Variants in EPHA4 observed in about 807,000 individuals in gnomAD.
EPHA4 encodes the protein EPH receptor A4.
A neutral mutation model predicts 108.3 loss-of-function variants in EPHA4; 19 were observed. The observed-to-expected ratio is 0.18, with a 90% confidence interval of 0.12 to 0.26. EPHA4 has a LOEUF of 0.26. Ranked by LOEUF, EPHA4 falls within the 10% of genes least tolerant of loss-of-function variation. EPHA4 has a pLI of 1.00. For missense variants in EPHA4, 917 were observed against 1,254.0 expected, an observed-to-expected ratio of 0.73 and a Z score of 4.06; for synonymous variants, 449 against 455.5, an observed-to-expected ratio of 0.99 and a Z score of 0.18.
intron 2 of EPHA4, among the ~76,000 whole-genome samples, chr2:221,566,920 GAGA>G (rs1419135043): frequency 2.7e-5 from 1 of 36,546 alleles, no homozygotes; most frequent in Admixed American, 2.9e-4. Context: ...GAAGGAGAAG[GAGA>G]AGGAGAAGGA....
At chr2:221,546,118 T>C (rs1317281416) in intron 3 of EPHA4, among the ~76,000 whole-genome samples, 1 of 152,190 alleles carries the variant, frequency 6.6e-6, no homozygotes, top group Non-Finnish European at 1.5e-5. Flanking sequence ...GGGAAAGGCA[T>C]GGAGACCTCA....
chr2:221,494,434 G>A (rs1047889595), intron 4 of EPHA4, among the ~76,000 whole-genome samples: 6 of 151,988 alleles, frequency 3.9e-5, no homozygotes, highest in African/African-American at 1.4e-4. Context: ...CGAAACCCAG[G>A]CTCTACTAAA....
intron 3 of EPHA4, among the ~76,000 whole-genome samples, chr2:221,541,941 TAAATA>T (rs917184757): frequency 1.3e-5 from 2 of 152,172 alleles, no homozygotes; most frequent in Admixed American, 6.5e-5. Context: ...ATTTGTTTCA[TAAATA>T]AAATAAATAG....
At chr2:221,499,756 A>ATATATTTT (rs1334015871) in intron 4 of EPHA4, among the ~76,000 whole-genome samples, 6 of 26,220 alleles carry the variant, frequency 2.3e-4, no homozygotes, top group Non-Finnish European at 2.5e-4. Context: ...ATATATATAT[A>ATATATTTT]TTTTTTTTTT....
chr2:221,427,481 ATAGT>A (rs1689946921), intron 15 of EPHA4, among the ~76,000 whole-genome samples: 1 of 152,242 alleles, frequency 6.6e-6, no homozygotes, highest in Admixed American at 6.5e-5. Flanking sequence ...TAAGAGAATT[ATAGT>A]TAGTTATCTT....
intron 5 of EPHA4, among the ~76,000 whole-genome samples, chr2:221,475,564 G>T (rs1396918938): frequency 6.6e-6 from 1 of 152,154 alleles, no homozygotes; most frequent in Non-Finnish European, 1.5e-5. Flanking sequence ...GAGCAGATCA[G>T]CAAACATTTT....
chr2:221,437,354 G>T, intron 11 of EPHA4: 1 of 406,862 alleles, frequency 2.5e-6, no homozygotes, highest in East Asian at 3.8e-5. Context: ...TTGTTGACAA[G>T]GTCTTTAACT....
intron 2 of EPHA4, among the ~76,000 whole-genome samples, chr2:221,566,466 C>T (rs1303151101): frequency 3.9e-5 from 6 of 152,074 alleles, no homozygotes; most frequent in Non-Finnish European, 8.8e-5. Context: ...CTGAAAAAGT[C>T]CTCGTCAATT....
chr2:221,513,841 T>C (rs1031375816), intron 3 of EPHA4, among the ~76,000 whole-genome samples: 38 of 152,334 alleles, frequency 2.5e-4, no homozygotes, highest in African/African-American at 7.9e-4. Flanking sequence ...ACATTGCTTA[T>C]GTCTGAGGAG....
Position 221,533,327 on chromosome 2 carries a change from TTC to T in EPHA4, c.823+30402_823+30403del, listed in dbSNP as rs750043357. On this transcript the variant is annotated intron_variant, in intron 3 of 17. Coordinates refer to ENST00000281821, the MANE Select transcript of EPHA4 (RefSeq NM_004438.5). ...GTCCTCTTTAATCTGGTTTCTCTATTTCTGTTTGTGGACCTTTGCTAATATTT... is the reference window on the plus strand; with the variant it reads ...GTCCTCTTTAATCTGGTTTCTCTATTTGTTTGTGGACCTTTGCTAATATTT... 2.6e-4 allele frequency among the ~76,000 whole-genome samples: 39 copies of T among 152,284 alleles called. No homozygotes were observed. The Middle Eastern group carries it at 0.027, about 106-fold the overall frequency.
chr2:221,519,231 C>CT (rs1410289525), intron 3 of EPHA4, among the ~76,000 whole-genome samples: 39 of 150,740 alleles, frequency 2.6e-4, no homozygotes, highest in East Asian at 5.8e-4. Flanking sequence ...GTTTTAAACA[C>CT]TTTTTTTTTA....
At chr2:221,430,299 T>C in intron 14 of EPHA4, 148 bp from the exon 15 acceptor site, 2 of 717,614 alleles carry the variant, frequency 2.8e-6, no homozygotes, top group East Asian at 5.4e-5. Context: ...GAGCCAAAGC[T>C]AGACCTGAGT....
chr2:221,490,949 C>T (rs1692124064), intron 4 of EPHA4, among the ~76,000 whole-genome samples: 1 of 152,158 alleles, frequency 6.6e-6, no homozygotes, highest in Non-Finnish European at 1.5e-5. Flanking sequence ...TGTGTTTTTA[C>T]AACAAAGACA....
At position 221,571,385 on chromosome 2, in the gene EPHA4, C is replaced by A. The variant is rs867512483; in HGVS notation, c.91+773G>T. ...ATACAATCCTCCCAGCACGTCCGAACGGATGCACAGAAAACTGAGCACCCA... is the reference window on the plus strand; with the variant it reads ...ATACAATCCTCCCAGCACGTCCGAAAGGATGCACAGAAAACTGAGCACCCA... On this transcript the variant is annotated intron_variant, in intron 1 of 17. Coordinates refer to ENST00000281821, the MANE Select transcript of EPHA4 (RefSeq NM_004438.5). The surrounding 1 kb of genome is among the most constrained non-coding windows in gnomAD (Gnocchi z 6.3). 7.1e-6 allele frequency among the ~76,000 whole-genome samples: 1 copy of A among 141,444 alleles called. No homozygotes were observed. Among genetic ancestry groups the A allele is most frequent in the South Asian group, 2.5e-4 (1 of 4,042 alleles). 92.8% of individuals were successfully genotyped at this position (141,444 alleles called of 152,430 possible).
At chr2:221,565,879 AAC>A (rs1694614401) in intron 2 of EPHA4, among the ~76,000 whole-genome samples, 1 of 152,202 alleles carries the variant, frequency 6.6e-6, no homozygotes, top group Non-Finnish European at 1.5e-5. Flanking sequence ...AATTTGGAAA[AAC>A]ACATTTGTCA....
intron 3 of EPHA4, among the ~76,000 whole-genome samples, chr2:221,562,877 A>G (rs796328405): frequency 3.3e-5 from 5 of 152,232 alleles, no homozygotes; most frequent in African/African-American, 9.7e-5. Context: ...AGGAAGGGGT[A>G]AAAAAGCAAG....
chr2:221,556,281 G>T (rs1205217571), intron 3 of EPHA4, among the ~76,000 whole-genome samples: 3 of 151,934 alleles, frequency 2.0e-5, no homozygotes, highest in Non-Finnish European at 4.4e-5. Context: ...TGAGAAAAGT[G>T]ACATTGTTTT....
intron 1 of EPHA4, among the ~76,000 whole-genome samples, chr2:221,570,587 T>C (rs1363542525): frequency 1.3e-5 from 2 of 152,102 alleles, no homozygotes; most frequent in Non-Finnish European, 2.9e-5. Context: ...GCGATGTCTG[T>C]GGGCAGGTGT....
chr2:221,485,605 A>T (rs978841219), intron 4 of EPHA4, among the ~76,000 whole-genome samples: 19 of 152,140 alleles, frequency 1.2e-4, no homozygotes, highest in Non-Finnish European at 2.9e-5. Context: ...GTTGGTCTGG[A>T]AAAAAACCTG....
Sources: allele counts gnomAD v4.1 joint callset (sites outside exome capture counted in the v4.1 genomes callset), GRCh38; gene constraint gnomAD v4.1.1; non-coding constraint Gnocchi (gnomAD v3.1); transcripts MANE v1.5; gene names NCBI Gene and HGNC (gene_info 2026-07-23, HGNC 2026-07-21).